The following FNIP1 variants were observed in gnomAD, a reference collection of about 807,000 sequenced individuals.
FNIP1 encodes the protein folliculin-interacting protein 1.
In FNIP1, 40 loss-of-function variants were observed where a neutral mutation model predicts 124.5. That is an observed-to-expected ratio of 0.32 (90% CI 0.25 to 0.42). The LOEUF is 0.42. Ranked by LOEUF, FNIP1 falls within the 10% of genes least tolerant of loss-of-function variation. The pLI, the probability that FNIP1 is intolerant of heterozygous loss-of-function variation, is 1.00. For synonymous variants in FNIP1, 472 were observed against 470.6 expected (o/e 1.00, Z -0.04); for missense variants, 1,176 against 1,403.7 (o/e 0.84, Z 2.59).
intron 1 of FNIP1, among the ~76,000 whole-genome samples, chr5:131,764,104 C>T (rs989799830): frequency 3.9e-5 from 6 of 151,974 alleles, no homozygotes; most frequent in African/African-American, 1.2e-4. Context: ...TTTGCTCCTG[C>T]TCTAGCCATG....
intron 3 of FNIP1, among the ~76,000 whole-genome samples, chr5:131,727,658 G>T (rs1207960682): frequency 6.6e-6 from 1 of 152,074 alleles, no homozygotes; most frequent in Non-Finnish European, 1.5e-5. Flanking sequence ...CTCTTAACAG[G>T]GGCATTTAGC....
chr5:131,761,878 G>A (rs952654998), intron 1 of FNIP1, among the ~76,000 whole-genome samples: 2 of 152,138 alleles, frequency 1.3e-5, no homozygotes, highest in Non-Finnish European at 2.9e-5. Context: ...CAGTGCTATA[G>A]TAACCAAATC....
In FNIP1 at chr5:131,710,790, A is replaced by C. The variant is rs951433973; in HGVS notation, c.623-129T>G. ...AAATATGGATGGAAACTTTTAAACTAAATAAGAATTCAAGCTGTCTTTCCC... is the reference window on the plus strand; with the variant it reads ...AAATATGGATGGAAACTTTTAAACTCAATAAGAATTCAAGCTGTCTTTCCC... On this transcript the variant is annotated intron_variant, in intron 6 of 17. Coordinates refer to ENST00000510461, the MANE Select transcript of FNIP1 (RefSeq NM_133372.3). 10 of 612,794 alleles carry C rather than the reference A, an allele frequency of 1.6e-5. No individual in the cohort carries two copies. The African/African-American group carries it at 1.9e-4, about 12-fold the overall frequency. 38.0% of individuals were successfully genotyped at this position (612,794 alleles called of 1,614,324 possible). A position where few individuals can be genotyped will look rare whatever the true frequency, so the allele number is the denominator to read the frequency against.
At chr5:131,775,535 T>G (rs893730538) in intron 1 of FNIP1, among the ~76,000 whole-genome samples, 1 of 146,876 alleles carries the variant, frequency 6.8e-6, no homozygotes, top group African/African-American at 2.5e-5. Context: ...ATACTTTTTT[T>G]TTTTTTTTTT....
In FNIP1 at chr5:131,718,691, C is replaced by T. The variant is rs188179837; in HGVS notation, c.530+295G>A. Among the ~76,000 whole-genome samples, 9 of 152,294 alleles carry T rather than the reference C, an allele frequency of 5.9e-5. No individual in the cohort carries two copies. In the East Asian group the frequency reaches 1.7e-3, roughly 29 times the overall value. On this transcript the variant is annotated intron_variant, in intron 5 of 17. Transcript: ENST00000510461. Reference sequence around the variant, plus strand: ...ACCAACCCTACAGATTGTGGTAACTCAGGTAACTCAGCGTGGTACCGCAAA... The same window carrying T: ...ACCAACCCTACAGATTGTGGTAACTTAGGTAACTCAGCGTGGTACCGCAAA...
At position 131,698,888 on chromosome 5, in the gene FNIP1, T is replaced by G. The variant is rs1415938474; in HGVS notation, c.1202+29A>C. The G allele has an allele frequency of 1.9e-6, 3 of 1,556,570 alleles. No homozygotes were observed. In the East Asian group the frequency reaches 6.8e-5, roughly 35 times the overall value. On this transcript the variant is annotated intron_variant, in intron 11 of 17. Transcript: ENST00000510461. ...TCTTCCTGTGTACACTATGAATTACTGCATTATGGAAAGCTGGGCAATATG... is the reference window on the plus strand; with the variant it reads ...TCTTCCTGTGTACACTATGAATTACGGCATTATGGAAAGCTGGGCAATATG...
At chr5:131,670,665 T>A in intron 14 of FNIP1, 34 bp from the exon 15 acceptor site, 1 of 1,468,536 alleles carries the variant, frequency 6.8e-7, no homozygotes, top group Non-Finnish European at 9.2e-7. Flanking sequence ...GACATTTATT[T>A]AGTAATAAAT....
intron 1 of FNIP1, among the ~76,000 whole-genome samples, chr5:131,770,110 G>C (rs1263625367): frequency 1.3e-5 from 2 of 152,130 alleles, no homozygotes; most frequent in Non-Finnish European, 2.9e-5. Context: ...TCCCAACTCT[G>C]CTATTTCAGA....
chr5:131,792,286 GAGT>G (rs1264032608), intron 1 of FNIP1, among the ~76,000 whole-genome samples: 1 of 151,384 alleles, frequency 6.6e-6, no homozygotes, highest in Non-Finnish European at 1.5e-5. Flanking sequence ...TCAGCCTCCT[GAGT>G]AGCTGGGATT....
At chr5:131,646,787 T>A (rs1199352110) in intron 17 of FNIP1, among the ~76,000 whole-genome samples, 1 of 152,242 alleles carries the variant, frequency 6.6e-6, no homozygotes, top group Non-Finnish European at 1.5e-5. Context: ...CTTGGAATAA[T>A]GAGTTTGCAA....
chr5:131,648,793 T>C (rs1766963836), intron 16 of FNIP1, among the ~76,000 whole-genome samples: 1 of 152,178 alleles, frequency 6.6e-6, no homozygotes, highest in Non-Finnish European at 1.5e-5. Flanking sequence ...TCTGTACTCA[T>C]TAAACAATAA....
chr5:131,647,054 A>G (rs1425868673), intron 17 of FNIP1, 36 bp downstream of exon 17: 1 of 1,584,040 alleles, frequency 6.3e-7, no homozygotes, highest in Non-Finnish European at 8.7e-7. Context: ...TGACAGGGCA[A>G]TGAAAGCAAA....
chr5:131,700,586 T>C (rs1354987742), intron 10 of FNIP1, among the ~76,000 whole-genome samples: 1 of 152,206 alleles, frequency 6.6e-6, no homozygotes, highest in African/African-American at 2.4e-5. Flanking sequence ...TGGCAATTTA[T>C]AAAGAAGTGA....
At chr5:131,719,818 A>G (rs1769596766) in intron 3 of FNIP1, among the ~76,000 whole-genome samples, 1 of 152,238 alleles carries the variant, frequency 6.6e-6, no homozygotes, top group African/African-American at 2.4e-5. Flanking sequence ...AATTCAAAGA[A>G]TATGCAGAAT....
intron 11 of FNIP1, among the ~76,000 whole-genome samples, chr5:131,682,203 C>T (rs921043234): frequency 2.0e-5 from 3 of 152,006 alleles, no homozygotes; most frequent in East Asian, 1.9e-4. Context: ...AGCATATTAC[C>T]GTCTACTATA....
chr5:131,687,174 C>G (rs1213789416), intron 11 of FNIP1, among the ~76,000 whole-genome samples: 1 of 150,864 alleles, frequency 6.6e-6, no homozygotes, highest in Admixed American at 6.6e-5. Context: ...GGCACAATCT[C>G]GGCTCACTGT....
chr5:131,720,796 C>T (rs1253461180), intron 3 of FNIP1, among the ~76,000 whole-genome samples: 3 of 152,134 alleles, frequency 2.0e-5, no homozygotes, highest in Non-Finnish European at 1.5e-5. Flanking sequence ...AACCACAAAA[C>T]CTGTCAGGTT....
intron 11 of FNIP1, among the ~76,000 whole-genome samples, chr5:131,681,180 T>C (rs1481997756): frequency 6.6e-6 from 1 of 152,190 alleles, no homozygotes; most frequent in Non-Finnish European, 1.5e-5. Flanking sequence ...TTTGTATCTT[T>C]CAGAGTATAT....
intron 15 of FNIP1, among the ~76,000 whole-genome samples, chr5:131,665,642 T>C (rs1194815021): frequency 6.8e-6 from 1 of 146,276 alleles, no homozygotes; most frequent in East Asian, 2.0e-4. Context: ...TGGCCTGGAG[T>C]GCAATGGTGA....
Sources: allele counts gnomAD v4.1 joint callset (sites outside exome capture counted in the v4.1 genomes callset), GRCh38; gene constraint gnomAD v4.1.1; transcripts MANE v1.5; gene names NCBI Gene and HGNC (gene_info 2026-07-23, HGNC 2026-07-21).